The following TCF4 variants were observed in gnomAD, a reference collection of about 807,000 sequenced individuals.
TCF4 encodes the protein transcription factor 4, also known as SL3-3 enhancer factor 2.
A neutral mutation model predicts 82.1 loss-of-function variants in TCF4; 3 were observed. The observed-to-expected ratio is 0.04, with a 90% CI of 0.02 to 0.09. The LOEUF is 0.09. Ranked by LOEUF, TCF4 falls within the 10% of genes least tolerant of loss-of-function variation. The probability of loss-of-function intolerance (pLI) is 1.00; values close to 1 mark genes in which losing one functional copy is unlikely to be tolerated. For synonymous variants in TCF4, 276 were observed against 309.6 expected, an observed-to-expected ratio of 0.89 and a Z score of 1.14; for missense variants, 518 against 852.7, an observed-to-expected ratio of 0.61 and a Z score of 4.89.
intron 2 of TCF4, among the ~76,000 whole-genome samples, chr18:55,613,750 C>T (rs1469082551): frequency 6.6e-6 from 1 of 152,166 alleles, no homozygotes; most frequent in Non-Finnish European, 1.5e-5. Flanking sequence ...GGTGAGAAAT[C>T]TGCCCCATGA....
At chr18:55,542,489 G>A (rs1184328848) in intron 3 of TCF4, among the ~76,000 whole-genome samples, 2 of 151,052 alleles carry the variant, frequency 1.3e-5, no homozygotes, top group Non-Finnish European at 1.5e-5. Context: ...AGTCAACCAA[G>A]AAGACATGTT....
chr18:55,254,390 T>G, intron 15 of TCF4, 107 bp downstream of exon 15: 1 of 1,076,374 alleles, frequency 9.3e-7, no homozygotes, highest in Non-Finnish European at 1.4e-6. Context: ...GTTAAGTGAA[T>G]TATATCTCAA....
intron 8 of TCF4, among the ~76,000 whole-genome samples, chr18:55,290,974 T>A (rs1333352605): frequency 6.6e-6 from 1 of 152,226 alleles, no homozygotes; most frequent in African/African-American, 2.4e-5. Flanking sequence ...TTAGTCATTA[T>A]TAAAAGTTCA....
chr18:55,464,043 C>A, intron 4 of TCF4, 33 bp downstream of exon 4: 1 of 1,602,484 alleles, frequency 6.2e-7, no homozygotes, highest in Non-Finnish European at 8.5e-7. Flanking sequence ...TGTGGGATGT[C>A]TGGTTGTGGG....
intron 8 of TCF4, among the ~76,000 whole-genome samples, chr18:55,281,062 G>C (rs1039001472): frequency 5.3e-5 from 8 of 152,004 alleles, no homozygotes; most frequent in Non-Finnish European, 7.4e-5. Context: ...TTTTTCTTAA[G>C]GCACTAATGG....
chr18:55,407,923 C>T (rs2094175383), intron 5 of TCF4, among the ~76,000 whole-genome samples: 1 of 151,982 alleles, frequency 6.6e-6, no homozygotes, highest in Admixed American at 6.6e-5. Flanking sequence ...CTCATAAATC[C>T]ATTCCACTCA....
intron 6 of TCF4, chr18:55,402,186 A>C (rs1357893475): frequency 1.0e-5 from 10 of 985,324 alleles, no homozygotes; most frequent in African/African-American, 3.5e-5. Flanking sequence ...CAATGCAACA[A>C]ATCTTTCAGA....
chr18:55,260,076 T>C (rs2057719581), intron 12 of TCF4, 49 bp from the exon 13 acceptor site: 1 of 1,384,456 alleles, frequency 7.2e-7, no homozygotes, highest in Non-Finnish European at 1.0e-6. Flanking sequence ...ATTAAAATAA[T>C]TCACACTTTT....
rs149604825 is a variant in TCF4 at position 55,261,156 on chromosome 18, C to T, written c.990+310G>A. On this transcript the variant is annotated intron_variant, in intron 12 of 19. Transcript: ENST00000354452. Reference sequence around the variant, plus strand: ...AAGACAGTCTTAGCTGGTCAATGTGCACCCATATTACTTTAGAGAAAAATA... The same window carrying T: ...AAGACAGTCTTAGCTGGTCAATGTGTACCCATATTACTTTAGAGAAAAATA... 4.3e-3 allele frequency: 1,397 copies of T among 323,148 alleles called. 23 individuals carry two copies. The highest frequency in any genetic ancestry group is 0.029 in the African/African-American group (1,299 of 44,444). 20.0% of individuals were successfully genotyped at this position (323,148 alleles called of 1,614,324 possible). A position where few individuals can be genotyped will look rare whatever the true frequency, so the allele number is the denominator to read the frequency against.
chr18:55,350,759 T>G, intron 7 of TCF4, 115 bp downstream of exon 7: 4 of 1,490,290 alleles, frequency 2.7e-6, no homozygotes, highest in Non-Finnish European at 3.7e-6. Flanking sequence ...TGAGCCAAAT[T>G]TTATGGTTTT....
intron 5 of TCF4, among the ~76,000 whole-genome samples, chr18:55,457,270 TA>T (rs1198502816): frequency 6.6e-6 from 1 of 152,224 alleles, no homozygotes; most frequent in Non-Finnish European, 1.5e-5. Context: ...ATGACAACTA[TA>T]ACCACAGACA....
At chr18:55,516,227 C>T (rs961453978) in intron 3 of TCF4, among the ~76,000 whole-genome samples, 2 of 152,114 alleles carry the variant, frequency 1.3e-5, no homozygotes, top group Non-Finnish European at 2.9e-5. Flanking sequence ...CATTTAACCT[C>T]AACCTCAGTA....
chr18:55,255,307 G>GAA (rs1198493555), intron 14 of TCF4, among the ~76,000 whole-genome samples: 3 of 152,012 alleles, frequency 2.0e-5, no homozygotes, highest in Admixed American at 2.0e-4. Flanking sequence ...AATGGTTACA[G>GAA]AAAAAAATTA....
chr18:55,481,602 C>T (rs2096433808), intron 3 of TCF4, among the ~76,000 whole-genome samples: 1 of 152,214 alleles, frequency 6.6e-6, no homozygotes, highest in Admixed American at 6.5e-5. Context: ...CCCATGAAGA[C>T]AGAAAGCTGT....
intron 3 of TCF4, among the ~76,000 whole-genome samples, chr18:55,523,037 G>A (rs1439452814): frequency 3.3e-5 from 5 of 151,854 alleles, no homozygotes; most frequent in East Asian, 1.9e-4. Context: ...AATAAAACTA[G>A]AAAACAGTTA....
intron 6 of TCF4, among the ~76,000 whole-genome samples, chr18:55,381,265 TTTG>T (rs1281636496): frequency 3.9e-5 from 6 of 152,332 alleles, no homozygotes; most frequent in Non-Finnish European, 7.4e-5. Flanking sequence ...ATTTCACCAT[TTTG>T]TTGTTGTTGC....
intron 8 of TCF4, among the ~76,000 whole-genome samples, chr18:55,294,931 G>C (rs974797711): frequency 6.6e-6 from 1 of 152,172 alleles, no homozygotes; most frequent in Admixed American, 6.5e-5. Flanking sequence ...CCAAGAGTCA[G>C]TTTATGACTT....
intron 3 of TCF4, among the ~76,000 whole-genome samples, chr18:55,465,618 T>C (rs2095999077): frequency 6.6e-6 from 1 of 152,114 alleles, no homozygotes; most frequent in Non-Finnish European, 1.5e-5. Context: ...TGTTTAACAA[T>C]CCAACATGCT....
chr18:55,586,161 GCAGCAGCAGCAGCAGCAGCAGCAGCAGC>G (rs1568465771), intron 2 of TCF4: 12 of 247,450 alleles, frequency 4.8e-5, no homozygotes, highest in Admixed American at 4.7e-4. Flanking sequence ...AGGAGCAGCA[GCAGCAGCAGCAGCAGCAGCAGCAGCAGC>G]AGCAGCAGCA....
Sources: allele counts gnomAD v4.1 joint callset (sites outside exome capture counted in the v4.1 genomes callset), GRCh38; gene constraint gnomAD v4.1.1; transcripts MANE v1.5; gene names NCBI Gene and HGNC (gene_info 2026-07-23, HGNC 2026-07-21).